FEZ1: variants seen among roughly 807,000 people sequenced by gnomAD.
FEZ1 encodes the protein fasciculation and elongation protein zeta 1, also known as fasciculation and elongation protein zeta-1.
A neutral mutation model predicts 49.3 loss-of-function variants in FEZ1; 20 were observed. The ratio of observed to expected loss-of-function variants is 0.41; its 90% CI spans 0.29 to 0.59. FEZ1 has a LOEUF of 0.59. Among genes scored for constraint, FEZ1 ranks in the 20% least tolerant of loss-of-function variants. The probability of loss-of-function intolerance (pLI) is 0.36; values close to 1 mark genes in which losing one functional copy is unlikely to be tolerated. For synonymous variants in FEZ1, 170 were observed against 180.9 expected (o/e 0.94, Z 0.48); for missense variants, 413 against 476.0 (o/e 0.87, Z 1.23).
intron 3 of FEZ1, among the ~76,000 whole-genome samples, chr11:125,476,343 T>C (rs1220942520): frequency 6.6e-6 from 1 of 152,212 alleles, no homozygotes; most frequent in Non-Finnish European, 1.5e-5. Context: ...TGAAGTTGTG[T>C]GTATCTCAAG....
intron 1 of FEZ1, among the ~76,000 whole-genome samples, chr11:125,494,956 C>G (rs533743377): frequency 1.3e-5 from 2 of 152,204 alleles, no homozygotes; most frequent in Non-Finnish European, 2.9e-5. Flanking sequence ...TGATTCCGTG[C>G]CTCGTCCCCC....
At chr11:125,460,763 T>C in intron 4 of FEZ1, 97 bp from the exon 5 acceptor site, 2 of 1,000,276 alleles carry the variant, frequency 2.0e-6, no homozygotes, top group Non-Finnish European at 2.9e-6. Flanking sequence ...TAATTAGCTA[T>C]CTGAAAATTT....
At chr11:125,465,923 C>T (rs1206026642) in intron 3 of FEZ1, among the ~76,000 whole-genome samples, 1 of 152,296 alleles carries the variant, frequency 6.6e-6, no homozygotes, top group East Asian at 1.9e-4. Flanking sequence ...TGTTTACAGA[C>T]TCCTTCCCTC....
chr11:125,481,604 A>T lies in FEZ1; in HGVS notation c.341T>A (p.Ile114Asn). The change falls in exon 3 of 10, where the codon ATC (isoleucine) becomes AAC (asparagine). Residue 114 changes from isoleucine (I) to asparagine (N), a missense_variant. By Grantham distance (149) the Ile-to-Asn change is moderately radical. Transcript: ENST00000278919. ...EVWDALTDNY[I>N]PSLSEDWRDP... ...CCTCCAGTCTTCTGAGAGTGAAGGG[A>T]TGTAATTGTCTGTCAGAGCATCCCA... The T allele has an allele frequency of 1.2e-6, 2 of 1,612,774 alleles. No individual in the cohort carries two copies. Among genetic ancestry groups the T allele is most frequent in the Non-Finnish European group, 1.7e-6 (2 of 1,179,006 alleles).
chr11:125,465,815 C>T (rs1190233311), intron 3 of FEZ1, among the ~76,000 whole-genome samples: 1 of 152,264 alleles, frequency 6.6e-6, no homozygotes, highest in African/African-American at 2.4e-5. Flanking sequence ...TCCCACCCTC[C>T]CTAGGCCTGG....
intron 3 of FEZ1, 33 bp from the exon 4 acceptor site, chr11:125,463,603 T>G: frequency 1.5e-6 from 2 of 1,356,436 alleles, no homozygotes; most frequent in Non-Finnish European, 2.1e-6. Context: ...GAATTCTGGG[T>G]GACCATCAGC....
In FEZ1 at chr11:125,467,577, A is replaced by T. The variant is rs1333287692; in HGVS notation, c.412-4007T>A. On this transcript the variant is annotated intron_variant, in intron 3 of 9. Coordinates refer to ENST00000278919, the MANE Select transcript of FEZ1 (RefSeq NM_005103.5). ...GGAAAAGAGGAAGATGTGACTGGGC[A>T]TGGTGTCTCATGCCTGTAATTCCAG... is the stretch of plus-strand genomic sequence containing the variant. Among the ~76,000 whole-genome samples the T allele has an allele frequency of 3.3e-5, 5 of 152,334 alleles. No homozygotes were observed. In the East Asian group the frequency reaches 9.6e-4, roughly 29 times the overall value.
chr11:125,477,314 C>G (rs1957241165), intron 3 of FEZ1, among the ~76,000 whole-genome samples: 1 of 135,480 alleles, frequency 7.4e-6, no homozygotes, highest in Admixed American at 7.8e-5. Context: ...GGCCAATATG[C>G]AAAACCCTGT....
At chr11:125,471,431 T>TACACACACACACACACAAAC (rs1408603084) in intron 3 of FEZ1, among the ~76,000 whole-genome samples, 42 of 147,882 alleles carry the variant, frequency 2.8e-4, no homozygotes, top group African/African-American at 9.9e-4. Flanking sequence ...TTGAGATAGA[T>TACACACACACACACACAAAC]ACACACACAC....
chr11:125,482,454 T>C (rs183647031), intron 2 of FEZ1, among the ~76,000 whole-genome samples: 144 of 152,370 alleles, frequency 9.5e-4, no homozygotes, highest in Middle Eastern at 3.4e-3. Flanking sequence ...AAAATTCTGA[T>C]ATGTACATTA....
intron 5 of FEZ1, among the ~76,000 whole-genome samples, chr11:125,457,751 G>A (rs1957034093): frequency 2.0e-5 from 3 of 151,806 alleles, no homozygotes; most frequent in Admixed American, 2.0e-4. Context: ...CACTCCCTAA[G>A]GCATTTTTCC....
At chr11:125,481,930 T>TC (rs1957283434) in intron 2 of FEZ1, among the ~76,000 whole-genome samples, 1 of 152,196 alleles carries the variant, frequency 6.6e-6, no homozygotes, top group Non-Finnish European at 1.5e-5. Flanking sequence ...CCTCTGGCTC[T>TC]GAAAATAAAT....
intron 2 of FEZ1, among the ~76,000 whole-genome samples, chr11:125,488,393 A>C (rs935229766): frequency 2.6e-5 from 4 of 152,202 alleles, no homozygotes; most frequent in African/African-American, 9.6e-5. Context: ...CATATCCCCC[A>C]CCATGGGCCA....
At chr11:125,458,464 C>G (rs11220083) in intron 5 of FEZ1, among the ~76,000 whole-genome samples, 1,601 of 152,264 alleles carry the variant, frequency 0.011, 27 homozygotes, top group African/African-American at 0.027. Flanking sequence ...TGGAGTTAAC[C>G]TACCTGGCTT....
intron 4 of FEZ1, among the ~76,000 whole-genome samples, chr11:125,461,159 G>T (rs1038233706): frequency 6.6e-6 from 1 of 152,146 alleles, no homozygotes; most frequent in Non-Finnish European, 1.5e-5. Context: ...AAGCTGCCCA[G>T]CAACAAATGA....
At chr11:125,460,433 C>T in intron 5 of FEZ1, 65 bp downstream of exon 5, 1 of 1,461,040 alleles carries the variant, frequency 6.8e-7, no homozygotes, top group Non-Finnish European at 9.4e-7. Flanking sequence ...ACAAAGCACA[C>T]AGCCCAGAGC....
chr11:125,453,928 CAAAA>C (rs34707154), intron 7 of FEZ1, 198 bp downstream of exon 7: 1,985 of 243,292 alleles, frequency 8.2e-3, no homozygotes, highest in South Asian at 0.012. Context: ...CACTAGAGCT[CAAAA>C]AAAAAAAAAA....
intron 3 of FEZ1, among the ~76,000 whole-genome samples, chr11:125,468,800 G>A (rs1591591849): frequency 1.3e-5 from 2 of 152,280 alleles, no homozygotes; most frequent in Middle Eastern, 6.8e-3. Context: ...AGACCCCGAG[G>A]GGCAGCATGG....
chr11:125,494,312 C>A (rs1374803105), intron 1 of FEZ1, among the ~76,000 whole-genome samples: 2 of 152,324 alleles, frequency 1.3e-5, no homozygotes, highest in African/African-American at 4.8e-5. Context: ...GGGTTGGCAG[C>A]ACTTCCTTAG....
Sources: gnomAD v4.1 joint callset for allele counts (sites outside exome capture counted in the v4.1 genomes callset) on GRCh38, gnomAD v4.1.1 for gene constraint, MANE v1.5 for transcripts, NCBI Gene and HGNC (gene_info 2026-07-23, HGNC 2026-07-21) for gene names.